HOOK2: variants seen among roughly 807,000 people sequenced by gnomAD.
The protein encoded by HOOK2 is protein Hook homolog 2.
A neutral mutation model predicts 111.9 loss-of-function variants in HOOK2; 108 were observed. The ratio of observed to expected loss-of-function variants is 0.96; its 90% CI spans 0.83 to 1.13. HOOK2 has a LOEUF of 1.13. Ranked by LOEUF, HOOK2 falls within the 50% of genes most tolerant of loss-of-function variation. The pLI is 0.00. For synonymous variants in HOOK2, 405 were observed against 394.3 expected (o/e 1.03, Z -0.32); for missense variants, 978 against 951.3 (o/e 1.03, Z -0.37).
chr19:12,768,813 C>A (rs1968230478), intron 11 of HOOK2, among the ~76,000 whole-genome samples: 1 of 151,132 alleles, frequency 6.6e-6, no homozygotes, highest in Non-Finnish European at 1.5e-5. Flanking sequence ...TTACTTTTTT[C>A]TTTTGAGACA....
rs745646288 is a variant in HOOK2, at chr19:12,764,957, CT to C, written c.1723+41del. 7 of 1,613,832 alleles carry C rather than the reference CT, an allele frequency of 4.3e-6. No individual in the cohort carries two copies. The South Asian group carries it at 7.7e-5, about 18-fold the overall frequency. ...GGCCCATCAGCTCCACGCTGCTGGG[CT>C]CTGGGATCTCCCCACCCTCTGGTCA... On this transcript the variant is annotated intron_variant, in intron 19 of 22. Coordinates refer to ENST00000397668, the MANE Select transcript of HOOK2 (RefSeq NM_013312.3).
chr19:12,764,983 A>C lies in HOOK2; in HGVS notation c.1723+16T>G. 1 of 1,614,014 alleles carries C rather than the reference A, an allele frequency of 6.2e-7. No individual in the cohort carries two copies. Among genetic ancestry groups the C allele is most frequent in the Non-Finnish European group, 8.5e-7 (1 of 1,179,900 alleles). ...TCTGGGATCTCCCCACCCTCTGGTC[A>C]CTAGGTCCTACTTACTGCTGCTGTC... On this transcript the variant is annotated intron_variant, in intron 19 of 22. Coordinates refer to ENST00000397668, the MANE Select transcript of HOOK2 (RefSeq NM_013312.3).
intron 20 of HOOK2, chr19:12,764,262 C>T: frequency 6.2e-6 from 1 of 160,786 alleles, no homozygotes; most frequent in Non-Finnish European, 1.4e-5. Flanking sequence ...GGATCAGCTG[C>T]TTCAGCCTCC....
Position 12,790,920 on chromosome 19 carries a change from A to G in HOOK2, n.42-16695T>C, listed in dbSNP as rs1003963182. Among the ~76,000 whole-genome samples, 6 of 151,238 alleles carry G rather than the reference A, an allele frequency of 4.0e-5. No individual in the cohort carries two copies. Among genetic ancestry groups the G allele is most frequent in the Non-Finnish European group, 8.8e-5 (6 of 67,806 alleles). ...CAGCTCCACCCACTCACCCCTTTTG[A>G]TCTCTCCCCTCCTCCGTCCTGTGAA... On this transcript the variant is annotated intron_variant and non_coding_transcript_variant, in intron 3 of 3. Transcript: ENST00000589765. This position sits in a 1 kb window ranked among gnomAD's most constrained non-coding sequence, Gnocchi z 7.2.
At position 12,763,358 on chromosome 19, in the gene HOOK2, C is replaced by T. The variant is rs557231913; in HGVS notation, c.2084G>A (p.Arg695Gln). ...AHAQSFLAQQ[R>Q]LATNSRRGPL... ...TCCACGGCGAGAATTGGTTGCCAGC[C>T]GCTGCTGTGCCAGGAATGACTGGGC... is the stretch of plus-strand genomic sequence containing the variant. The change falls in exon 23 of 23, where the codon CGG becomes CAG. Residue 695 changes from arginine to glutamine, a missense_variant. Around this residue, in one of 5 missense-constraint regions of HOOK2, gnomAD observed 277 missense variants for 265.8 expected, o/e 1.04. Coordinates refer to ENST00000397668, the MANE Select transcript of HOOK2 (RefSeq NM_013312.3). 89 of 1,614,162 alleles carry T rather than the reference C, an allele frequency of 5.5e-5. No homozygotes were observed. The highest frequency in any genetic ancestry group is 1.8e-4 in the Admixed American group (11 of 60,018).
At chr19:12,767,763 A>T in intron 13 of HOOK2, 53 bp downstream of exon 13, 2 of 1,525,672 alleles carry the variant, frequency 1.3e-6, no homozygotes, top group South Asian at 1.1e-5. Flanking sequence ...AACCTGTTCT[A>T]CCCAAACAGT....
rs1968707647 is a variant in HOOK2, at chr19:12,791,112, G to A, written n.42-16887C>T. Reference sequence around the variant, plus strand: ...CCTCTCGTATTCTGGGTACCTCAGGGGTTTCTTCGCACATACTGGGACCCT... The same window carrying A: ...CCTCTCGTATTCTGGGTACCTCAGGAGTTTCTTCGCACATACTGGGACCCT... On this transcript the variant is annotated intron_variant and non_coding_transcript_variant, in intron 3 of 3. Transcript: ENST00000589765. The surrounding 1 kb of genome is among the most constrained non-coding windows in gnomAD (Gnocchi z 7.0). Among the ~76,000 whole-genome samples the A allele has an allele frequency of 6.6e-6, 1 of 152,138 alleles. No individual in the cohort carries two copies. The highest frequency in any genetic ancestry group is 2.4e-5 in the African/African-American group (1 of 41,408).
chr19:12,767,422 GCTA>G lies in HOOK2; in HGVS notation c.1343_1345del (p.Leu448_Ala449delinsSer). On this transcript the variant is annotated inframe_deletion, in exon 14 of 23. Transcript: ENST00000397668. ...GAGCTCCGCAGGCAGGATCTCTGCG[GCTA>G]AGTTATCCACGGGTGTGGAGGTGGG... 1 of 1,614,086 alleles carries G rather than the reference GCTA, an allele frequency of 6.2e-7. No homozygotes were observed. The highest frequency in any genetic ancestry group is 1.3e-5 in the African/African-American group (1 of 75,018).
rs530751774 is a variant in HOOK2, at chr19:12,766,456, C to G, written c.1374-216G>C. Reference sequence around the variant, plus strand: ...AGCTGGGATAGTGGGTGGGGCTAGGCAGGGGCGGAGCTACAAGAGTGGATT... The same window carrying G: ...AGCTGGGATAGTGGGTGGGGCTAGGGAGGGGCGGAGCTACAAGAGTGGATT... On this transcript the variant is annotated intron_variant, in intron 14 of 22. Coordinates refer to ENST00000397668, the MANE Select transcript of HOOK2 (RefSeq NM_013312.3). 1.5e-5 allele frequency: 8 copies of G among 544,630 alleles called. No homozygotes were observed. The South Asian group carries it at 2.3e-4, about 16-fold the overall frequency. 33.7% of individuals were successfully genotyped at this position (544,630 alleles called of 1,614,324 possible). A position where few individuals can be genotyped will look rare whatever the true frequency, so the allele number is the denominator to read the frequency against.
Position 12,790,503 on chromosome 19 carries a change from T to C in HOOK2, n.42-16278A>G, listed in dbSNP as rs556724417. 3.9e-5 allele frequency among the ~76,000 whole-genome samples: 6 copies of C among 152,272 alleles called. No individual in the cohort carries two copies. The highest frequency in any genetic ancestry group is 7.4e-5 in the Non-Finnish European group (5 of 68,014). The stretch of plus-strand genomic sequence containing the variant: ...TAGGATGGGGGACAGAGAATACAGA[T>C]GACTAAGAGGTTACCATCGAGGGGG... On this transcript the variant is annotated intron_variant and non_coding_transcript_variant, in intron 3 of 3. Coordinates refer to the HOOK2 transcript ENST00000589765. The surrounding 1 kb of genome is among the most constrained non-coding windows in gnomAD (Gnocchi z 7.2).
chr19:12,769,124 C>A (rs890811813), intron 11 of HOOK2, among the ~76,000 whole-genome samples: 1 of 152,058 alleles, frequency 6.6e-6, no homozygotes, highest in Non-Finnish European at 1.5e-5. Context: ...CACCACCACG[C>A]CCGGCTAATT....
At position 12,791,531 on chromosome 19, in the gene HOOK2, T is replaced by C; in HGVS notation, n.42-17306A>G. 1 of 463,040 alleles carries C rather than the reference T, an allele frequency of 2.2e-6. No homozygotes were observed. The allele number at this position is 463,040 out of a possible 1,614,324, so 28.7% of individuals were successfully genotyped here. A position where few individuals can be genotyped will look rare whatever the true frequency, so the allele number is the denominator to read the frequency against. ...GCCAGCCTCGGAGCCAGCAGGGAGC[T>C]GGGAGCTGGGGGAAACGACGCCAGG... On this transcript the variant is annotated intron_variant and non_coding_transcript_variant, in intron 3 of 3. Coordinates refer to the HOOK2 transcript ENST00000589765. This position sits in a 1 kb window ranked among gnomAD's most constrained non-coding sequence, Gnocchi z 7.0.
rs1968709943 is a variant in HOOK2 at position 12,791,305 on chromosome 19, C to T, written n.42-17080G>A. On this transcript the variant is annotated intron_variant and non_coding_transcript_variant, in intron 3 of 3. Coordinates refer to the HOOK2 transcript ENST00000589765. The surrounding 1 kb of genome is among the most constrained non-coding windows in gnomAD (Gnocchi z 7.0). The stretch of plus-strand genomic sequence containing the variant: ...TCCCCCTGCAGCCCCGCCGAGCCAC[C>T]CGGCCCGTGGCCGCTGTTTACAAGG... 6.6e-6 allele frequency among the ~76,000 whole-genome samples: 1 copy of T among 152,230 alleles called. No individual in the cohort carries two copies.
chr19:12,787,990 G>A (rs753318839), intron 3 of HOOK2, among the ~76,000 whole-genome samples: 2 of 152,154 alleles, frequency 1.3e-5, no homozygotes, highest in Non-Finnish European at 2.9e-5. Context: ...AGGAGGCGGA[G>A]GTTGCAGTGA....
At chr19:12,789,446 G>C (rs990521345) in intron 3 of HOOK2, among the ~76,000 whole-genome samples, 1 of 152,250 alleles carries the variant, frequency 6.6e-6, no homozygotes, top group South Asian at 2.1e-4. Context: ...AGGGAAGGAG[G>C]GGGGCTCCCT....
intron 9 of HOOK2, 41 bp downstream of exon 9, chr19:12,771,118 G>T (rs777902420): frequency 1.2e-6 from 2 of 1,611,054 alleles, no homozygotes; most frequent in Non-Finnish European, 1.7e-6. Context: ...GCCCTCCCCC[G>T]GTCCCCTGGC....
In HOOK2 at chr19:12,769,992, C is replaced by T. The variant is rs1393036259; in HGVS notation, c.993G>A (p.Val331=). The change falls in exon 11 of 23, where the codon GTG becomes GTA. Residue 331 remains valine, a synonymous_variant. Transcript: ENST00000397668. ...CGGCGTTGCGTTCCTCCAGCTGCCG[C>T]ACCTGCCGCCGCAGCTCCCTCAGCT... is the stretch of plus-strand genomic sequence containing the variant. ...LGELRELRRQ[V]RQLEERNAGH... 2 of 1,546,114 alleles carry T rather than the reference C, an allele frequency of 1.3e-6. No individual in the cohort carries two copies. Among genetic ancestry groups the T allele is most frequent in the African/African-American group, 1.4e-5 (1 of 72,950 alleles).
Position 12,766,165 on chromosome 19 carries a change from C to T in HOOK2, c.1449G>A (p.Glu483=), listed in dbSNP as rs764379426. The change falls in exon 15 of 23, where the codon GAG becomes GAA. Residue 483 remains glutamate (E), a synonymous_variant. Coordinates refer to ENST00000397668, the MANE Select transcript of HOOK2 (RefSeq NM_013312.3). ...CATCCTCCAGGTGGCGCTGCAGCTC[C>T]TCCTGCCGCTCCCGGTCGGCCGCCT... ...RQEAADRERQ[E]ELQRHLEDAN... 1.9e-6 allele frequency: 3 copies of T among 1,595,292 alleles called. No homozygotes were observed. The highest frequency in any genetic ancestry group is 2.3e-5 in the East Asian group (1 of 44,272).
At chr19:12,775,816 T>C (rs1452880632), upstream of HOOK2, among the ~76,000 whole-genome samples, 1 of 150,838 alleles carries the variant, frequency 6.6e-6, no homozygotes, top group African/African-American at 2.5e-5. Flanking sequence ...GAGACGGAGG[T>C]GCTCCACCCT....
Sources: allele counts gnomAD v4.1 joint callset (sites outside exome capture counted in the v4.1 genomes callset), GRCh38; gene constraint gnomAD v4.1.1; regional missense constraint gnomAD v4.1.1; non-coding constraint Gnocchi (gnomAD v3.1); transcripts MANE v1.5; gene names NCBI Gene and HGNC (gene_info 2026-07-23, HGNC 2026-07-21).